ANKRD26: variants seen among roughly 807,000 people sequenced by gnomAD.
ANKRD26 encodes ankyrin repeat domain-containing protein 26.
Under a neutral mutation model 208.7 loss-of-function variants are expected in ANKRD26, and 141 were observed. That is an observed-to-expected ratio of 0.68 (90% CI 0.59 to 0.78). The LOEUF (loss-of-function observed/expected upper bound fraction) is 0.78. Ranked by LOEUF, ANKRD26 falls within the 30% of genes least tolerant of loss-of-function variation. The pLI is 0.00. For missense variants in ANKRD26, 1,889 were observed against 1,938.7 expected (o/e 0.97, Z 0.48); for synonymous variants, 636 against 660.4 (o/e 0.96, Z 0.57).
chr10:27,062,322 G>A (rs1449713447), intron 12 of ANKRD26: 1 of 634,504 alleles, frequency 1.6e-6, no homozygotes, highest in Non-Finnish European at 2.0e-6. Context: ...ATCCTGTTAT[G>A]CCTTGAATTA....
At chr10:27,063,705 A>T (rs935061174) in intron 12 of ANKRD26, among the ~76,000 whole-genome samples, 9 of 151,014 alleles carry the variant, frequency 6.0e-5, no homozygotes, top group Admixed American at 1.3e-4. Context: ...TGCCTTCCTC[A>T]CTCTCATGTC....
chr10:27,060,669 T>A (rs1482560607), intron 13 of ANKRD26, 129 bp from the exon 14 acceptor site: 6 of 778,212 alleles, frequency 7.7e-6, no homozygotes, highest in Non-Finnish European at 1.3e-5. Context: ...ATTTTTGGGA[T>A]GTTTTTTATT....
intron 9 of ANKRD26, 55 bp downstream of exon 9, chr10:27,077,283 G>A (rs2055732505): frequency 2.8e-6 from 4 of 1,404,648 alleles, no homozygotes; most frequent in East Asian, 4.6e-5. Flanking sequence ...TCATTATGAG[G>A]ATTGTTGGGG....
At chr10:27,079,386 T>C (rs1228033514) in intron 6 of ANKRD26, among the ~76,000 whole-genome samples, 1 of 152,206 alleles carries the variant, frequency 6.6e-6, no homozygotes, top group East Asian at 1.9e-4. Context: ...TCCGAAACTA[T>C]AAAATATTCG....
intron 32 of ANKRD26, among the ~76,000 whole-genome samples, chr10:27,012,447 T>C (rs1342112291): frequency 6.6e-6 from 1 of 151,028 alleles, no homozygotes; most frequent in Non-Finnish European, 1.5e-5. Flanking sequence ...GCACAGATAA[T>C]TATGACCTTT....
downstream of ANKRD26, among the ~76,000 whole-genome samples, chr10:27,001,256 C>A (rs543642952): frequency 5.9e-5 from 9 of 152,196 alleles, no homozygotes; most frequent in African/African-American, 1.9e-4. Context: ...GGGCTGGAGT[C>A]TGGATAAAAT....
At chr10:27,046,666 A>C in intron 17 of ANKRD26, 143 bp from the exon 18 acceptor site, 4 of 848,038 alleles carry the variant, frequency 4.7e-6, no homozygotes, top group Non-Finnish European at 7.1e-6. Context: ...AAAGAATAAA[A>C]ATAATTTTTT....
chr10:27,077,316 A>C (rs894447504), intron 9 of ANKRD26, 22 bp downstream of exon 9: 2 of 1,577,300 alleles, frequency 1.3e-6, no homozygotes, highest in Admixed American at 1.7e-5. Flanking sequence ...ACATGAAAAA[A>C]GTTTTTTAAA....
chr10:27,034,752 T>C (rs2053986703), intron 24 of ANKRD26, 44 bp downstream of exon 24: 1 of 1,313,466 alleles, frequency 7.6e-7, no homozygotes, highest in South Asian at 1.3e-5. Context: ...TTTTAAATTT[T>C]CTTTCAGGAG....
intron 9 of ANKRD26, among the ~76,000 whole-genome samples, chr10:27,067,818 A>G (rs1422527986): frequency 6.6e-6 from 1 of 152,200 alleles, no homozygotes; most frequent in Non-Finnish European, 1.5e-5. Context: ...CTTCCAAACT[A>G]TACCAGTCAG....
chr10:26,998,125 G>T (rs567485574), intron 4 of ANKRD26, among the ~76,000 whole-genome samples: 17 of 152,180 alleles, frequency 1.1e-4, no homozygotes, highest in Non-Finnish European at 2.2e-4. Context: ...TCCTGGCCAT[G>T]ACCCAATTTA....
intron 4 of ANKRD26, 120 bp downstream of exon 4, chr10:27,092,286 A>T (rs1334991945): frequency 2.9e-6 from 2 of 701,632 alleles, no homozygotes; most frequent in Non-Finnish European, 4.9e-6. Flanking sequence ...AACACCAACG[A>T]ATCACTGTTG....
chr10:26,963,903 G>GTTTTTT, the ANKRD26 span, among the ~76,000 whole-genome samples: 24 of 71,840 alleles, frequency 3.3e-4, 2 homozygotes, highest in African/African-American at 1.6e-3. Flanking sequence ...TGGTTGGTTG[G>GTTTTTT]TTTTTTTTTT....
chr10:27,093,395 G>A lies in ANKRD26; in HGVS notation c.485C>T (p.Ala162Val). 1 of 1,614,088 alleles carries A rather than the reference G, an allele frequency of 6.2e-7. No homozygotes were observed. Among genetic ancestry groups the A allele is most frequent in the African/African-American group, 1.3e-5 (1 of 75,048 alleles). Residue 162 changes from alanine to valine, a missense_variant, in exon 3 of 34, where the codon GCA becomes GTA. Transcript: ENST00000376087. ...TGCATCATACAAAAGCAGCTTTGTT[G>A]CTACTGATATGTCCTCATTATAGAC... The part of the protein sequence containing the change: ...YAVYNEDISV[A>V]TKLLLYDANI...
rs1443059825 is a variant in ANKRD26, at chr10:27,027,739, C to A, written c.3972+1113G>T. 6.6e-5 allele frequency among the ~76,000 whole-genome samples: 10 copies of A among 152,236 alleles called. No individual in the cohort carries two copies. In the South Asian group the frequency reaches 2.1e-3, roughly 32 times the overall value. The stretch of plus-strand genomic sequence containing the variant: ...TTTCATATTATCTAAAATATTCTTA[C>A]ATACAGATAGTCCCCAACTTACAAT... On this transcript the variant is annotated intron_variant, in intron 27 of 33. Coordinates refer to ENST00000376087, the MANE Select transcript of ANKRD26 (RefSeq NM_014915.3).
chr10:27,037,169 A>G lies in ANKRD26; in HGVS notation c.2697+17T>C, dbSNP rs79496960. On this transcript the variant is annotated intron_variant, in intron 23 of 33. Coordinates refer to ENST00000376087, the MANE Select transcript of ANKRD26 (RefSeq NM_014915.3). ...TATACACACATATTTGAAAATGACT[A>G]AAGGAAATAGAAATACCTCAGAATT... The G allele has an allele frequency of 8.4e-4, 1,357 of 1,611,558 alleles. 10 individuals are homozygous for G. The African/African-American group carries it at 0.016, about 19-fold the overall frequency.
Position 27,033,271 on chromosome 10 carries a change from T to A in ANKRD26, c.3761A>T (p.Asp1254Val). ...TTTCTTCTTTAAATCCTGTGTCTCA[T>A]CTTCTAAATTAATACGATAACGTGA... is the stretch of plus-strand genomic sequence containing the variant. ...VTSRYRINLE[D>V]ETQDLKKKLG... is the part of the protein sequence containing the mutation. The change falls in exon 25 of 34, where the codon GAT becomes GTT. Residue 1254 changes from aspartate (D) to valine (V), a missense_variant. Asp to Val is a radical substitution (Grantham distance 152). Transcript: ENST00000376087. The A allele has an allele frequency of 6.2e-7, 1 of 1,612,568 alleles. No individual in the cohort carries two copies. The highest frequency in any genetic ancestry group is 2.2e-5 in the East Asian group (1 of 44,764).
intron 21 of ANKRD26, among the ~76,000 whole-genome samples, chr10:27,039,657 T>C (rs1387097269): frequency 6.6e-6 from 1 of 152,110 alleles, no homozygotes; most frequent in African/African-American, 2.4e-5. Flanking sequence ...AAAAGATTTA[T>C]AAAAAGGTAT....
intron 1 of ANKRD26, among the ~76,000 whole-genome samples, chr10:27,095,971 A>G (rs2135754278): frequency 6.6e-6 from 1 of 151,990 alleles, no homozygotes; most frequent in East Asian, 1.9e-4. Flanking sequence ...TGGGATCCCA[A>G]ATGGATTCTC....
Sources: gnomAD v4.1 joint callset for allele counts (sites outside exome capture counted in the v4.1 genomes callset) on GRCh38, gnomAD v4.1.1 for gene constraint, MANE v1.5 for transcripts, NCBI Gene and HGNC (gene_info 2026-07-23, HGNC 2026-07-21) for gene names.